GADL1: variants seen among roughly 807,000 people sequenced by gnomAD.
GADL1 encodes the protein GAD like acidic amino acid decarboxylase 1.
In GADL1, 71 loss-of-function variants were observed where a neutral mutation model predicts 69.5. The ratio of observed to expected loss-of-function variants is 1.02; its 90% confidence interval spans 0.84 to 1.25. The LOEUF is 1.25. Among genes scored for constraint, GADL1 ranks in the 50% most tolerant of loss-of-function variants. The pLI is 0.00. For missense variants in GADL1, 737 were observed against 631.8 expected, an observed-to-expected ratio of 1.17 and a Z score of -1.79; for synonymous variants, 254 against 214.4, an observed-to-expected ratio of 1.18 and a Z score of -1.62.
At chr3:30,752,440 C>T (rs905111253) in intron 14 of GADL1, among the ~76,000 whole-genome samples, 1 of 147,928 alleles carries the variant, frequency 6.8e-6, no homozygotes, top group South Asian at 2.1e-4. Flanking sequence ...GTCTGTGCCG[C>T]AGCCAGTCTC....
At chr3:30,753,268 T>G (rs1195227571) in intron 14 of GADL1, among the ~76,000 whole-genome samples, 1 of 152,144 alleles carries the variant, frequency 6.6e-6, no homozygotes, top group African/African-American at 2.4e-5. Context: ...ACATGATCTA[T>G]ACACAATAGT....
intron 11 of GADL1, among the ~76,000 whole-genome samples, chr3:30,824,279 G>GA (rs944614297): frequency 1.4e-5 from 2 of 146,906 alleles, no homozygotes; most frequent in Non-Finnish European, 3.0e-5. Context: ...GGCAAAAAGA[G>GA]AAAAAAAATT....
chr3:30,781,011 C>A (rs564328050), intron 13 of GADL1, among the ~76,000 whole-genome samples: 1 of 152,178 alleles, frequency 6.6e-6, no homozygotes, highest in African/African-American at 2.4e-5. Flanking sequence ...TTTGTATACC[C>A]CTTAATTTTA....
At chr3:30,750,237 G>C (rs1461079) in intron 14 of GADL1, among the ~76,000 whole-genome samples, 14,986 of 152,172 alleles carry the variant, frequency 0.098, 840 homozygotes, top group East Asian at 0.23. Context: ...TGGAGATGCT[G>C]GTTTCTTACA....
chr3:30,755,380 T>C (rs1457879929), intron 14 of GADL1, among the ~76,000 whole-genome samples: 1 of 151,852 alleles, frequency 6.6e-6, no homozygotes, highest in Non-Finnish European at 1.5e-5. Context: ...CTAAAAAACT[T>C]GTTTTTCTAT....
At chr3:30,771,586 G>C (rs1329926855) in intron 14 of GADL1, among the ~76,000 whole-genome samples, 1 of 152,102 alleles carries the variant, frequency 6.6e-6, no homozygotes, top group Non-Finnish European at 1.5e-5. Flanking sequence ...TTGAAAGCGA[G>C]TGATAACTAC....
chr3:30,783,193 C>T (rs1163182824), intron 13 of GADL1, among the ~76,000 whole-genome samples: 3 of 152,102 alleles, frequency 2.0e-5, no homozygotes, highest in African/African-American at 4.8e-5. Context: ...TTAATAACTC[C>T]TCCTAGTGTA....
At chr3:30,802,432 G>C (rs1697182486) in intron 11 of GADL1, among the ~76,000 whole-genome samples, 1 of 151,762 alleles carries the variant, frequency 6.6e-6, no homozygotes, top group African/African-American at 2.4e-5. Context: ...CTTCTCATTT[G>C]GTGAATTTTC....
chr3:30,831,605 T>C (rs1697794028), intron 11 of GADL1, among the ~76,000 whole-genome samples: 1 of 152,038 alleles, frequency 6.6e-6, no homozygotes, highest in African/African-American at 2.4e-5. Context: ...TCTGTGCATA[T>C]TAATTTTTTA....
At position 30,850,321 on chromosome 3, in the gene GADL1, GA is replaced by G. The variant is rs534290174; in HGVS notation, c.536-211del. ...TCTAATTCTAGAACTTTTATTCTTA[GA>G]AGATAAATTTTGGTTTATTCCCATG... is the stretch of plus-strand genomic sequence containing the variant. On this transcript the variant is annotated intron_variant, in intron 5 of 14. Transcript: ENST00000282538. Among the ~76,000 whole-genome samples, 132 of 152,050 alleles carry G rather than the reference GA, an allele frequency of 8.7e-4. 1 individual carries two copies. The highest frequency in any genetic ancestry group is 3.4e-3 in the Middle Eastern group (1 of 294).
At chr3:30,765,516 C>T (rs116175881) in intron 14 of GADL1, among the ~76,000 whole-genome samples, 107 of 152,312 alleles carry the variant, frequency 7.0e-4, no homozygotes, top group Non-Finnish European at 1.4e-3. Context: ...CATACAAGGA[C>T]AATCAACCCC....
At chr3:30,876,398 A>C (rs560568101) in intron 1 of GADL1, among the ~76,000 whole-genome samples, 20 of 146,738 alleles carry the variant, frequency 1.4e-4, no homozygotes, top group African/African-American at 5.1e-4. Context: ...GATTGGTAGC[A>C]TTCGCCTATT....
intron 8 of GADL1, among the ~76,000 whole-genome samples, chr3:30,843,205 A>G (rs1470566143): frequency 6.6e-6 from 1 of 151,688 alleles, no homozygotes; most frequent in African/African-American, 2.4e-5. Flanking sequence ...CAGCAAATCT[A>G]GCAGGCTTTT....
chr3:30,785,786 GCAA>G (rs1696775934), intron 13 of GADL1, among the ~76,000 whole-genome samples: 1 of 151,654 alleles, frequency 6.6e-6, no homozygotes, highest in African/African-American at 2.4e-5. Flanking sequence ...TAAGAAGTTT[GCAA>G]TTTATATTTC....
intron 14 of GADL1, among the ~76,000 whole-genome samples, chr3:30,744,449 A>G (rs6765359): frequency 0.29 from 44,031 of 152,004 alleles, 6,525 homozygotes; most frequent in African/African-American, 0.31. Context: ...GAGTATGATG[A>G]CCCCTAATCT....
At chr3:30,833,579 TATA>T (rs1407800879) in intron 11 of GADL1, among the ~76,000 whole-genome samples, 2 of 152,076 alleles carry the variant, frequency 1.3e-5, no homozygotes, top group Admixed American at 6.6e-5. Flanking sequence ...AGTTTTAAAA[TATA>T]ATCCAAATGA....
intron 14 of GADL1, among the ~76,000 whole-genome samples, chr3:30,752,282 A>C (rs1393639120): frequency 6.6e-6 from 1 of 152,084 alleles, no homozygotes; most frequent in Non-Finnish European, 1.5e-5. Flanking sequence ...GCTGGCACGA[A>C]ACACAGCTTA....
chr3:30,869,893 G>T (rs973647683), intron 1 of GADL1, among the ~76,000 whole-genome samples: 1 of 151,754 alleles, frequency 6.6e-6, no homozygotes, highest in Non-Finnish European at 1.5e-5. Context: ...ATTAATACTT[G>T]AAATCCTATC....
At chr3:30,781,471 G>A (rs981613066) in intron 13 of GADL1, among the ~76,000 whole-genome samples, 6 of 152,330 alleles carry the variant, frequency 3.9e-5, no homozygotes, top group African/African-American at 1.4e-4. Context: ...AAATGTAAAT[G>A]CAGAATCCAG....
Sources: gnomAD v4.1 joint callset for allele counts (sites outside exome capture counted in the v4.1 genomes callset) on GRCh38, gnomAD v4.1.1 for gene constraint, MANE v1.5 for transcripts, NCBI Gene and HGNC (gene_info 2026-07-23, HGNC 2026-07-21) for gene names.